Variants in SOX5 observed in about 807,000 individuals in gnomAD.
SOX5 encodes transcription factor SOX-5.
In SOX5, 9 loss-of-function variants were observed where a neutral mutation model predicts 92.0. The observed-to-expected ratio is 0.10, with a 90% CI of 0.06 to 0.17. SOX5 has a LOEUF of 0.17. SOX5 is among the 10% of genes least tolerant of loss of function. SOX5 has a pLI of 1.00. For synonymous variants in SOX5, 344 were observed against 336.3 expected, an observed-to-expected ratio of 1.02 and a Z score of -0.25; for missense variants, 642 against 944.5, an observed-to-expected ratio of 0.68 and a Z score of 4.20.
intron 3 of SOX5, among the ~76,000 whole-genome samples, chr12:24,241,906 C>T (rs2140070956): frequency 6.6e-6 from 1 of 152,220 alleles, no homozygotes; most frequent in South Asian, 2.1e-4. Context: ...AGTTTTCTTA[C>T]TGTCTACAGT....
In SOX5 at chr12:23,531,652, G is replaced by A. The variant is rs1260183448; in HGVS notation, c.*2567C>T. ...ACATAAAAATGATATAAAAACAAGT[G>A]TCTATTTTTTCCTTATCCAGAGTGC... On this transcript the variant is annotated 3_prime_UTR_variant, in exon 15 of 15. Transcript: ENST00000451604. 6.6e-6 allele frequency: 1 copy of A among 151,946 alleles called. No individual in the cohort carries two copies. The highest frequency in any genetic ancestry group is 2.4e-5 in the African/African-American group (1 of 41,378). 9.4% of individuals were successfully genotyped at this position (151,946 alleles called of 1,614,324 possible). A position where few individuals can be genotyped will look rare whatever the true frequency, so the allele number is the denominator to read the frequency against.
chr12:23,761,475 A>AGATGACC (rs1184951164), intron 3 of SOX5, among the ~76,000 whole-genome samples: 1 of 152,130 alleles, frequency 6.6e-6, no homozygotes, highest in Non-Finnish European at 1.5e-5. Flanking sequence ...TAGTGTTGGG[A>AGATGACC]GATGACCGTG....
At chr12:24,281,237 GAA>G (rs71448005) in intron 2 of SOX5, among the ~76,000 whole-genome samples, 42 of 97,220 alleles carry the variant, frequency 4.3e-4, no homozygotes, top group South Asian at 7.2e-4. Flanking sequence ...TTACCAAAAG[GAA>G]AAAAAAAAAA....
intron 4 of SOX5, among the ~76,000 whole-genome samples, chr12:23,994,439 A>G (rs1950850917): frequency 6.6e-6 from 1 of 152,228 alleles, no homozygotes; most frequent in South Asian, 2.1e-4. Flanking sequence ...ATGAATATGT[A>G]TAGATAGGTA....
chr12:24,472,337 C>T (rs1043755219), intron 1 of SOX5, among the ~76,000 whole-genome samples: 1 of 152,146 alleles, frequency 6.6e-6, no homozygotes, highest in African/African-American at 2.4e-5. Context: ...CATCTTTTCC[C>T]CTCACAAGGG....
intron 2 of SOX5, among the ~76,000 whole-genome samples, chr12:24,348,508 G>A (rs1017850182): frequency 5.1e-4 from 78 of 151,962 alleles, no homozygotes; most frequent in Non-Finnish European, 8.7e-4. Context: ...TCAGCCTCCC[G>A]AATAGCTGGG....
Position 23,807,480 on chromosome 12 carries a change from T to G in SOX5, c.481+38503A>C, listed in dbSNP as rs138903515. On this transcript the variant is annotated intron_variant, in intron 3 of 14. Transcript: ENST00000451604. Reference sequence around the variant, plus strand: ...AAGATAACAGAGGCAGAGATTAGACTGATATAGTTGCAAGCCAAGAAGTAT... The same window carrying G: ...AAGATAACAGAGGCAGAGATTAGACGGATATAGTTGCAAGCCAAGAAGTAT... 2.0e-5 allele frequency among the ~76,000 whole-genome samples: 3 copies of G among 152,168 alleles called. No individual in the cohort carries two copies. The East Asian group carries it at 5.8e-4, about 29-fold the overall frequency.
At chr12:23,799,075 G>C (rs111233953) in intron 3 of SOX5, among the ~76,000 whole-genome samples, 1,994 of 151,994 alleles carry the variant, frequency 0.013, 51 homozygotes, top group African/African-American at 0.045. Flanking sequence ...ATCTCTTTAA[G>C]AGCTTTTTGG....
intron 6 of SOX5, among the ~76,000 whole-genome samples, chr12:23,711,135 G>C (rs1047688883): frequency 6.6e-6 from 1 of 152,078 alleles, no homozygotes; most frequent in African/African-American, 2.4e-5. Flanking sequence ...TTTTCAAAAA[G>C]AGTCTATTTC....
intron 2 of SOX5, among the ~76,000 whole-genome samples, chr12:24,280,971 T>A (rs1404184046): frequency 8.6e-5 from 12 of 139,118 alleles, no homozygotes; most frequent in Admixed American, 7.5e-4. Context: ...TTGCAAAGAT[T>A]AAAGTGTCAG....
chr12:23,578,147 A>AAAAAAAAAAC (rs1358041750), intron 9 of SOX5, among the ~76,000 whole-genome samples: 1 of 134,748 alleles, frequency 7.4e-6, no homozygotes, highest in Non-Finnish European at 1.6e-5. Flanking sequence ...AAAAAAAAAA[A>AAAAAAAAAAC]AAACTATAGG....
chr12:24,156,401 T>C (rs1952177006), intron 4 of SOX5, among the ~76,000 whole-genome samples: 1 of 152,114 alleles, frequency 6.6e-6, no homozygotes, highest in East Asian at 1.9e-4. Context: ...TGAATCCTAG[T>C]GTCAAGGACT....
At chr12:24,060,371 C>T (rs1939432993) in intron 4 of SOX5, among the ~76,000 whole-genome samples, 1 of 152,232 alleles carries the variant, frequency 6.6e-6, no homozygotes, top group Non-Finnish European at 1.5e-5. Context: ...CACTCTTATA[C>T]TCTCAACCAT....
In SOX5 at chr12:23,531,143, T is replaced by G. The variant is rs1938995744; in HGVS notation, c.*3076A>C. On this transcript the variant is annotated 3_prime_UTR_variant, in exon 15 of 15. Coordinates refer to ENST00000451604, the MANE Select transcript of SOX5 (RefSeq NM_006940.6). ...TATAACTATTTTTGCTTTTGTTTTC[T>G]TTTGGGGAAAACTAGGGCAAAGAAA... The G allele has an allele frequency of 6.6e-6, 1 of 152,150 alleles. No homozygotes were observed. The highest frequency in any genetic ancestry group is 1.5e-5 in the Non-Finnish European group (1 of 68,024). The allele number at this position is 152,150 out of a possible 1,614,324, so 9.4% of individuals were successfully genotyped here.
chr12:24,351,319 T>C (rs80213341), intron 2 of SOX5, among the ~76,000 whole-genome samples: 2,459 of 152,300 alleles, frequency 0.016, 73 homozygotes, highest in African/African-American at 0.055. Context: ...GACCATTGTA[T>C]TCCCAGCCTA....
At chr12:24,332,796 T>C (rs1345972155) in intron 2 of SOX5, among the ~76,000 whole-genome samples, 1 of 152,044 alleles carries the variant, frequency 6.6e-6, no homozygotes, top group Admixed American at 6.5e-5. Flanking sequence ...AGCAGAAATA[T>C]CACAATTACA....
chr12:24,112,037 A>G (rs1947410467), intron 4 of SOX5, among the ~76,000 whole-genome samples: 2 of 152,346 alleles, frequency 1.3e-5, no homozygotes, highest in Admixed American at 1.3e-4. Flanking sequence ...CATGACAAAC[A>G]GCCAAATAAA....
chr12:24,091,907 AC>A (rs1944703078), intron 4 of SOX5, among the ~76,000 whole-genome samples: 1 of 152,028 alleles, frequency 6.6e-6, no homozygotes, highest in African/African-American at 2.4e-5. Flanking sequence ...CCCCCAGGAT[AC>A]CTTACTTGAT....
intron 2 of SOX5, among the ~76,000 whole-genome samples, chr12:23,885,458 G>C (rs868385744): frequency 6.6e-6 from 1 of 152,110 alleles, no homozygotes; most frequent in Non-Finnish European, 1.5e-5. Flanking sequence ...CTCAAGACAG[G>C]CTGGATTTTT....
Sources: gnomAD v4.1 joint callset for allele counts (sites outside exome capture counted in the v4.1 genomes callset) on GRCh38, gnomAD v4.1.1 for gene constraint, MANE v1.5 for transcripts, NCBI Gene and HGNC (gene_info 2026-07-23, HGNC 2026-07-21) for gene names.